Variants in NR2C1 observed in about 807,000 individuals in gnomAD.
NR2C1 encodes nuclear receptor subfamily 2 group C member 1.
Under a neutral mutation model 74.8 loss-of-function variants are expected in NR2C1, and 33 were observed. The ratio of observed to expected loss-of-function variants is 0.44; its 90% confidence interval spans 0.33 to 0.59. The LOEUF (loss-of-function observed/expected upper bound fraction) is 0.59, where lower values mean the gene tolerates loss of function less well. NR2C1 is among the 20% of genes least tolerant of loss of function. NR2C1 has a pLI of 0.02. For synonymous variants in NR2C1, 225 were observed against 240.6 expected (o/e 0.94, Z 0.60); for missense variants, 568 against 715.6 (o/e 0.79, Z 2.35).
At chr12:95,028,310 C>A (rs902781288) in intron 12 of NR2C1, 77 bp downstream of exon 12, 4 of 1,240,000 alleles carry the variant, frequency 3.2e-6, no homozygotes, top group Non-Finnish European at 4.5e-6. Context: ...TACATCCCCA[C>A]TTGCAACATA....
chr12:95,050,641 T>C (rs1026832941), intron 8 of NR2C1, among the ~76,000 whole-genome samples: 8 of 151,452 alleles, frequency 5.3e-5, no homozygotes, highest in African/African-American at 1.9e-4. Context: ...TCTTTTTTTT[T>C]CCTTTAGAGA....
chr12:95,031,529 A>T, intron 10 of NR2C1, 41 bp from the exon 11 acceptor site: 1 of 1,498,034 alleles, frequency 6.7e-7, no homozygotes, highest in East Asian at 2.4e-5. Flanking sequence ...AGATATTATT[A>T]AAATAAGTTT....
Position 95,060,094 on chromosome 12 carries a change from GCTTT to G in NR2C1, c.286-114_286-111del, listed in dbSNP as rs925125465. 6.0e-5 allele frequency: 52 copies of G among 867,092 alleles called. 1 individual carries two copies. Among genetic ancestry groups the G allele is most frequent in the South Asian group, 1.5e-4 (8 of 51,704 alleles). The allele number at this position is 867,092 out of a possible 1,614,324, so 53.7% of individuals were successfully genotyped here. A position where few individuals can be genotyped will look rare whatever the true frequency, so the allele number is the denominator to read the frequency against. ...AACATTCAGTTGGTCTTGCTTTGTT[GCTTT>G]CTTTTTCACAAGTTATTTTTAAACT... On this transcript the variant is annotated intron_variant, in intron 3 of 13. Transcript: ENST00000333003.
chr12:95,041,210 G>A (rs1260761561), intron 9 of NR2C1, among the ~76,000 whole-genome samples: 1 of 152,278 alleles, frequency 6.6e-6, no homozygotes, highest in Non-Finnish European at 1.5e-5. Context: ...CTGGCAGGCC[G>A]GGTGTGGTGG....
chr12:95,058,908 A>T (rs991782776), intron 4 of NR2C1, among the ~76,000 whole-genome samples: 1 of 152,100 alleles, frequency 6.6e-6, no homozygotes, highest in Non-Finnish European at 1.5e-5. Flanking sequence ...GATTACAGGC[A>T]TGAGCCATCT....
At chr12:95,041,928 A>C (rs1443745451) in intron 9 of NR2C1, among the ~76,000 whole-genome samples, 1 of 152,228 alleles carries the variant, frequency 6.6e-6, no homozygotes, top group Non-Finnish European at 1.5e-5. Context: ...GAAAAGAATA[A>C]TCCATGCTAT....
At chr12:95,048,402 T>TAA (rs1872570443) in intron 9 of NR2C1, among the ~76,000 whole-genome samples, 1 of 152,162 alleles carries the variant, frequency 6.6e-6, no homozygotes, top group Admixed American at 6.5e-5. Flanking sequence ...TGCCAATACT[T>TAA]AAAGTTTAAC....
chr12:95,054,157 T>C (rs952170654), intron 7 of NR2C1, among the ~76,000 whole-genome samples: 1 of 152,244 alleles, frequency 6.6e-6, no homozygotes, highest in Non-Finnish European at 1.5e-5. Context: ...CCAGTTATCA[T>C]GTTCTTACAT....
chr12:95,061,103 C>T (rs1420404338), intron 3 of NR2C1, among the ~76,000 whole-genome samples: 2 of 152,200 alleles, frequency 1.3e-5, no homozygotes, highest in African/African-American at 4.8e-5. Flanking sequence ...AATAGTGGCA[C>T]ATCCTACAAT....
At position 95,062,607 on chromosome 12, in the gene NR2C1, T is replaced by C. The variant is rs770823681; in HGVS notation, c.186A>G (p.Gln62=). Residue 62 remains glutamine, a synonymous_variant, in exon 3 of 14, where the codon CAA becomes CAG. Transcript: ENST00000333003. ...STPSKVILAR[Q]DSTPGKVFLT... is the part of the protein sequence containing the mutation. ...GGAAAACTTTTCCCGGAGTGGAATC[T>C]TGCCTGGCCAGAATGACTTTGCTTG... 4.3e-6 allele frequency: 7 copies of C among 1,614,028 alleles called. No individual in the cohort carries two copies. The Admixed American group carries it at 6.7e-5, about 15-fold the overall frequency.
chr12:95,051,887 C>T lies in NR2C1; in HGVS notation c.840G>A (p.Ala280=), dbSNP rs1314068589. 7 of 1,611,360 alleles carry T rather than the reference C, an allele frequency of 4.3e-6. No homozygotes were observed. The highest frequency in any genetic ancestry group is 2.2e-5 in the East Asian group (1 of 44,802). The part of the protein sequence containing the change: ...STLANVVTSL[A]NLGKTKDLSQ... ...AAAGATCTTTAGTTTTTCCAAGATT[C>T]GCTAATGATGTAACCACATTGGCCA... The change falls in exon 8 of 14, where the codon GCG becomes GCA. Residue 280 remains alanine, a synonymous_variant. Coordinates refer to ENST00000333003, the MANE Select transcript of NR2C1 (RefSeq NM_003297.4).
chr12:95,051,668 A>G, intron 8 of NR2C1, 94 bp downstream of exon 8: 1 of 1,135,048 alleles, frequency 8.8e-7, no homozygotes, highest in Non-Finnish European at 1.2e-6. Context: ...TTGTTTTCTG[A>G]AACTTTTATA....
At chr12:95,048,843 C>T (rs1872631553) in intron 9 of NR2C1, among the ~76,000 whole-genome samples, 2 of 152,000 alleles carry the variant, frequency 1.3e-5, no homozygotes, top group Non-Finnish European at 2.9e-5. Context: ...AGGCTGGTCT[C>T]GAACTCCTGA....
At chr12:95,044,221 T>C (rs17023604) in intron 9 of NR2C1, among the ~76,000 whole-genome samples, 3,163 of 152,206 alleles carry the variant, frequency 0.021, 102 homozygotes, top group African/African-American at 0.072. Context: ...TCTACAATTA[T>C]CTTTCTAGCA....
intron 4 of NR2C1, 56 bp from the exon 5 acceptor site, chr12:95,058,545 G>T: frequency 7.2e-7 from 1 of 1,387,682 alleles, no homozygotes; most frequent in South Asian, 1.2e-5. Flanking sequence ...GAACAGAAAT[G>T]ACATAAGCCA....
At position 95,028,498 on chromosome 12, in the gene NR2C1, AT is replaced by A; in HGVS notation, c.1419del (p.Lys473AsnfsTer3). ...QQDKMSTERR[K>X]LLMEHIFKLQ... ...AGTTTGAAGATGTGCTCCATCAATA[AT>A]TTTCTTCTTTCTGTTGACATTTTAT... On this transcript the variant is annotated frameshift_variant, in exon 12 of 14. Coordinates refer to ENST00000333003, the MANE Select transcript of NR2C1 (RefSeq NM_003297.4). LOFTEE classifies it high-confidence loss of function. 6.4e-7 allele frequency: 1 copy of A among 1,565,822 alleles called. No individual in the cohort carries two copies. The highest frequency in any genetic ancestry group is 8.7e-7 in the Non-Finnish European group (1 of 1,142,882).
intron 9 of NR2C1, among the ~76,000 whole-genome samples, chr12:95,047,684 G>A (rs1221509327): frequency 6.6e-6 from 1 of 152,172 alleles, no homozygotes; most frequent in Non-Finnish European, 1.5e-5. Context: ...ATATTGCTAA[G>A]TGAAATCTAT....
rs79760875 is a variant in NR2C1 at position 95,059,986 on chromosome 12, T to TA, written c.286-3dup. 25,696 of 1,069,130 alleles carry TA rather than the reference T, an allele frequency of 0.024. 21 individuals carry two copies. Among genetic ancestry groups the TA allele is most frequent in the South Asian group, 0.035 (1,796 of 52,014 alleles). The allele number at this position is 1,069,130 out of a possible 1,614,324, so 66.2% of individuals were successfully genotyped here. A position where few individuals can be genotyped will look rare whatever the true frequency, so the allele number is the denominator to read the frequency against. On this transcript the variant is annotated splice_region_variant and splice_polypyrimidine_tract_variant and intron_variant, in intron 3 of 13. Coordinates refer to ENST00000333003, the MANE Select transcript of NR2C1 (RefSeq NM_003297.4). ...GTCTGGAGAATTATCTGTTAGGAGC[T>TA]AAAAAAAAAAAAAAAAAAAAAGAAA...
intron 2 of NR2C1, 46 bp from the exon 3 acceptor site, chr12:95,062,784 T>A: frequency 7.1e-7 from 1 of 1,417,636 alleles, no homozygotes; most frequent in Non-Finnish European, 1.0e-6. Flanking sequence ...ATAATTTTTC[T>A]TTAATGACAC....
Sources: gnomAD v4.1 joint callset for allele counts (sites outside exome capture counted in the v4.1 genomes callset) on GRCh38, gnomAD v4.1.1 for gene constraint, MANE v1.5 for transcripts, NCBI Gene and HGNC (gene_info 2026-07-23, HGNC 2026-07-21) for gene names.